The following WDR7 variants were observed in gnomAD, a reference collection of about 807,000 sequenced individuals.
WDR7 encodes the protein WD repeat domain 7, also known as WD repeat-containing protein 7.
A neutral mutation model predicts 169.4 loss-of-function variants in WDR7; 46 were observed. The ratio of observed to expected loss-of-function variants is 0.27; its 90% CI spans 0.21 to 0.35. The LOEUF is 0.35. WDR7 is among the 10% of genes least tolerant of loss of function. The probability of loss-of-function intolerance (pLI) is 1.00; values close to 1 mark genes in which losing one functional copy is unlikely to be tolerated. For missense variants in WDR7, 1,534 were observed against 1,859.3 expected, an observed-to-expected ratio of 0.83 and a Z score of 3.22; for synonymous variants, 612 against 666.8, an observed-to-expected ratio of 0.92 and a Z score of 1.27.
chr18:56,726,584 C>G (rs1346035451), intron 13 of WDR7, among the ~76,000 whole-genome samples: 4 of 152,164 alleles, frequency 2.6e-5, no homozygotes, highest in African/African-American at 4.8e-5. Context: ...GATATACAAT[C>G]ATGTCATCTG....
At chr18:56,755,439 A>AAGAGACC (rs1437872400) in intron 14 of WDR7, among the ~76,000 whole-genome samples, 1 of 152,224 alleles carries the variant, frequency 6.6e-6, no homozygotes, top group African/African-American at 2.4e-5. Flanking sequence ...ATGTTGGAGT[A>AAGAGACC]AGAGACCAGG....
intron 14 of WDR7, among the ~76,000 whole-genome samples, chr18:56,740,193 G>A (rs2043595756): frequency 1.3e-5 from 2 of 151,808 alleles, no homozygotes; most frequent in South Asian, 4.2e-4. Context: ...CTCCTTTACT[G>A]AGTTATACTT....
intron 21 of WDR7, among the ~76,000 whole-genome samples, chr18:56,904,847 G>A (rs570973875): frequency 6.6e-6 from 1 of 152,228 alleles, no homozygotes; most frequent in East Asian, 1.9e-4. Flanking sequence ...AGATGAACTA[G>A]AGAACATTAA....
intron 19 of WDR7, among the ~76,000 whole-genome samples, chr18:56,797,820 A>G (rs1305245470): frequency 6.6e-6 from 1 of 152,228 alleles, no homozygotes. Context: ...TATTTTGCAC[A>G]TACATGGAGC....
intron 26 of WDR7, among the ~76,000 whole-genome samples, chr18:57,009,421 G>A (rs934849016): frequency 6.6e-6 from 1 of 152,150 alleles, no homozygotes; most frequent in African/African-American, 2.4e-5. Context: ...GGGGGAACAG[G>A]TGGTGTTTGG....
intron 25 of WDR7, among the ~76,000 whole-genome samples, chr18:56,939,717 T>C (rs1023990288): frequency 6.6e-6 from 1 of 152,138 alleles, no homozygotes; most frequent in African/African-American, 2.4e-5. Context: ...AGGAAGCTTC[T>C]GGCTTTGGAA....
chr18:56,990,516 TGA>T (rs1263221558), intron 26 of WDR7, among the ~76,000 whole-genome samples: 2 of 152,094 alleles, frequency 1.3e-5, no homozygotes, highest in Non-Finnish European at 2.9e-5. Flanking sequence ...TCAAACAATA[TGA>T]GAGGGGGAAA....
At chr18:56,705,737 G>A (rs956733856) in intron 12 of WDR7, among the ~76,000 whole-genome samples, 5 of 152,140 alleles carry the variant, frequency 3.3e-5, no homozygotes, top group Admixed American at 6.5e-5. Flanking sequence ...GATGGCTCAC[G>A]CCTGTAATCC....
intron 25 of WDR7, 53 bp from the exon 26 acceptor site, chr18:56,962,377 T>C: frequency 6.7e-7 from 1 of 1,495,790 alleles, no homozygotes; most frequent in Non-Finnish European, 9.3e-7. Context: ...CAAGTGCAGG[T>C]CATCTCACCT....
At chr18:56,959,543 C>A (rs2047307503) in intron 25 of WDR7, among the ~76,000 whole-genome samples, 1 of 152,114 alleles carries the variant, frequency 6.6e-6, no homozygotes, top group Non-Finnish European at 1.5e-5. Context: ...AAAAATGGTT[C>A]TTGCCAGGTC....
In WDR7 at chr18:56,769,831, A is replaced by G. The variant is rs184269369; in HGVS notation, c.2849-6951A>G. ...ATTCTTTTCCAGGATTTATAGAGAA[A>G]TAAACAGTACTTAACATAGAGTCCA... On this transcript the variant is annotated intron_variant, in intron 16 of 27. Coordinates refer to ENST00000254442, the MANE Select transcript of WDR7 (RefSeq NM_015285.3). Among the ~76,000 whole-genome samples the G allele has an allele frequency of 3.8e-3, 580 of 152,348 alleles. 2 individuals are homozygous for G. Among genetic ancestry groups the G allele is most frequent in the Non-Finnish European group, 6.6e-3 (452 of 68,036 alleles).
rs1285964166 is a variant in WDR7, at chr18:56,682,880, T to C, written c.520+27T>C. Reference sequence around the variant, plus strand: ...TCAGTGTATTATGCCTGTTAGGAGCTTTAGCACCATGACTTAATGTTTAGT... The same window carrying C: ...TCAGTGTATTATGCCTGTTAGGAGCCTTAGCACCATGACTTAATGTTTAGT... On this transcript the variant is annotated intron_variant, in intron 5 of 27. Coordinates refer to ENST00000254442, the MANE Select transcript of WDR7 (RefSeq NM_015285.3). The C allele has an allele frequency of 2.5e-6, 4 of 1,595,500 alleles. No individual in the cohort carries two copies. In the East Asian group the frequency reaches 9.0e-5, roughly 36 times the overall value.
chr18:56,975,404 T>C (rs2047551672), intron 26 of WDR7, among the ~76,000 whole-genome samples: 1 of 152,056 alleles, frequency 6.6e-6, no homozygotes, highest in South Asian at 2.1e-4. Flanking sequence ...GTTTTTGTTA[T>C]GCCTGAAGCA....
At chr18:56,851,850 T>C (rs1473623927) in intron 20 of WDR7, among the ~76,000 whole-genome samples, 1 of 152,266 alleles carries the variant, frequency 6.6e-6, no homozygotes, top group Non-Finnish European at 1.5e-5. Context: ...TCTTGCTCAT[T>C]GTTAGCACAT....
chr18:56,701,645 A>G (rs573707375), intron 12 of WDR7, among the ~76,000 whole-genome samples: 2 of 152,318 alleles, frequency 1.3e-5, no homozygotes, highest in African/African-American at 4.8e-5. Flanking sequence ...TAGGAGATGT[A>G]TTAGAAACTT....
intron 26 of WDR7, among the ~76,000 whole-genome samples, chr18:56,968,736 C>A (rs904387902): frequency 1.3e-5 from 2 of 152,186 alleles, no homozygotes; most frequent in African/African-American, 2.4e-5. Flanking sequence ...TAGCTTCCAC[C>A]TTTACCGAGC....
At chr18:56,986,413 G>T (rs1157086891) in intron 26 of WDR7, among the ~76,000 whole-genome samples, 4 of 151,980 alleles carry the variant, frequency 2.6e-5, no homozygotes, top group African/African-American at 9.7e-5. Context: ...CTTTGTTCTG[G>T]TTTATGGATT....
chr18:56,998,953 A>G (rs1350157798), intron 26 of WDR7, among the ~76,000 whole-genome samples: 2 of 152,220 alleles, frequency 1.3e-5, no homozygotes, highest in East Asian at 3.8e-4. Flanking sequence ...TAGCTGAAGA[A>G]AACAAGCTTT....
chr18:56,778,109 T>C (rs930037012), intron 17 of WDR7, among the ~76,000 whole-genome samples: 7 of 152,180 alleles, frequency 4.6e-5, no homozygotes, highest in Admixed American at 1.3e-4. Context: ...AAAGAAGTTA[T>C]AATCTAAAAT....
Sources: gnomAD v4.1 joint callset for allele counts (sites outside exome capture counted in the v4.1 genomes callset) on GRCh38, gnomAD v4.1.1 for gene constraint, MANE v1.5 for transcripts, NCBI Gene and HGNC (gene_info 2026-07-23, HGNC 2026-07-21) for gene names.